The following IL1RAPL2 variants were observed in gnomAD, a reference collection of about 807,000 sequenced individuals.
IL1RAPL2 encodes the protein interleukin 1 receptor accessory protein like 2.
In IL1RAPL2, 3 loss-of-function variants were observed where a neutral mutation model predicts 44.1. The observed-to-expected ratio is 0.07, with a 90% CI of 0.03 to 0.18. IL1RAPL2 has a LOEUF of 0.18. IL1RAPL2 is among the 10% of genes least tolerant of loss of function. The pLI is 1.00. For missense variants in IL1RAPL2, 391 were observed against 496.4 expected, an observed-to-expected ratio of 0.79 and a Z score of 2.02; for synonymous variants, 181 against 178.8, an observed-to-expected ratio of 1.01 and a Z score of -0.10.
intron 5 of IL1RAPL2, among the ~76,000 whole-genome samples, chrX:105,484,105 T>G (rs1046271324): frequency 6.4e-4 from 71 of 111,799 alleles, no homozygotes; most frequent in African/African-American, 2.2e-3. Flanking sequence ...AATGGCCTAT[T>G]TACAGTGAAT....
At chrX:105,200,437 C>A (rs185203999) in intron 3 of IL1RAPL2, among the ~76,000 whole-genome samples, 1 of 111,512 alleles carries the variant, frequency 9.0e-6, no homozygotes, top group Admixed American at 9.5e-5. Context: ...CGGTGCCAAT[C>A]GAAGAATCAC....
chrX:105,269,140 G>A (rs2034428243), intron 5 of IL1RAPL2, among the ~76,000 whole-genome samples: 1 of 110,725 alleles, frequency 9.0e-6, no homozygotes, highest in African/African-American at 3.3e-5. Flanking sequence ...CAGCCAGTTG[G>A]TTAATTTATA....
chrX:105,678,642 A>AT (rs770493562), intron 6 of IL1RAPL2, among the ~76,000 whole-genome samples: 56 of 110,020 alleles, frequency 5.1e-4, no homozygotes, highest in East Asian at 2.3e-3. Context: ...ATTGCCACTG[A>AT]TTTTTTTTGT....
At position 105,467,597 on chromosome X, in the gene IL1RAPL2, A is replaced by G. The variant is rs2036139163; in HGVS notation, c.698-16716A>G. 3.5e-5 allele frequency among the ~76,000 whole-genome samples: 3 copies of G among 86,390 alleles called. 1 individual carries two copies. The highest frequency in any genetic ancestry group is 1.2e-4 in the African/African-American group (3 of 25,569). 75.0% of individuals were successfully genotyped at this position (86,390 alleles called of 115,157 possible). On this transcript the variant is annotated intron_variant, in intron 5 of 10. Coordinates refer to ENST00000372582, the MANE Select transcript of IL1RAPL2 (RefSeq NM_017416.2). Reference sequence around the variant, plus strand: ...AAATTAGGCAGTCCAGGGTTGGTATAGTGACTTCAAGAAGTCATCAGGGAT... The same window carrying G: ...AAATTAGGCAGTCCAGGGTTGGTATGGTGACTTCAAGAAGTCATCAGGGAT...
rs1365896538 is a variant in IL1RAPL2 at position 105,670,142 on chromosome X, T to TATATATATAA, written c.773-47219_773-47218insATAAATATAT. 1.0e-3 allele frequency among the ~76,000 whole-genome samples: 53 copies of TATATATATAA among 52,973 alleles called. 1 individual carries two copies. The highest frequency in any genetic ancestry group is 3.9e-3 in the African/African-American group (52 of 13,467). 46.0% of individuals were successfully genotyped at this position (52,973 alleles called of 115,157 possible). ...ATATATATATATATATATATATATA[T>TATATATATAA]ATATATCTCCACCAGACCACACAGT... On this transcript the variant is annotated intron_variant, in intron 6 of 10. Transcript: ENST00000372582.
chrX:105,666,327 G>A (rs867957789), intron 6 of IL1RAPL2, among the ~76,000 whole-genome samples: 4 of 110,675 alleles, frequency 3.6e-5, no homozygotes, highest in Non-Finnish European at 5.7e-5. Flanking sequence ...TTCTGGTCCC[G>A]TGGTGCCAAC....
intron 4 of IL1RAPL2, among the ~76,000 whole-genome samples, chrX:105,261,234 C>T (rs1298104326): frequency 8.9e-6 from 1 of 112,102 alleles, no homozygotes; most frequent in Non-Finnish European, 1.9e-5. Flanking sequence ...GGGAGGTTCT[C>T]CTGGCTCCAT....
At chrX:105,412,613 A>G (rs1294608568) in intron 5 of IL1RAPL2, among the ~76,000 whole-genome samples, 1 of 111,175 alleles carries the variant, frequency 9.0e-6, no homozygotes, top group Admixed American at 9.6e-5. Flanking sequence ...CTAAGATACA[A>G]TTAGAAGGAA....
In IL1RAPL2 at chrX:105,111,156, G is replaced by A. The variant is rs187926518; in HGVS notation, c.83-84319G>A. On this transcript the variant is annotated intron_variant, in intron 2 of 10. Transcript: ENST00000372582. ...ATGGTGGCTCCCGCCTGTAATACCA[G>A]CACTGTGGTTAGAATGTAACAAAAA... 1.9e-4 allele frequency among the ~76,000 whole-genome samples: 21 copies of A among 110,720 alleles called. No homozygotes were observed. The East Asian group carries it at 5.9e-3, about 31-fold the overall frequency.
At chrX:105,126,018 T>C (rs745681376) in intron 2 of IL1RAPL2, among the ~76,000 whole-genome samples, 7 of 111,413 alleles carry the variant, frequency 6.3e-5, no homozygotes, top group Non-Finnish European at 1.3e-4. Flanking sequence ...TTTTATCCAG[T>C]GTAAGAAATT....
At chrX:104,596,912 A>G (rs1928775240) in intron 1 of IL1RAPL2, among the ~76,000 whole-genome samples, 2 of 111,307 alleles carry the variant, frequency 1.8e-5, no homozygotes, top group Admixed American at 9.6e-5. Context: ...AGTGAGAGAG[A>G]GGCAGGAGAT....
chrX:105,557,183 T>G (rs1465487278), intron 6 of IL1RAPL2, among the ~76,000 whole-genome samples: 1 of 112,049 alleles, frequency 8.9e-6, no homozygotes, highest in African/African-American at 3.2e-5. Context: ...TGTTATAACT[T>G]TGGATCCCTC....
chrX:105,183,823 C>T (rs1450309743), intron 2 of IL1RAPL2, among the ~76,000 whole-genome samples: 2 of 111,247 alleles, frequency 1.8e-5, no homozygotes, highest in Non-Finnish European at 3.8e-5. Context: ...AACTGGGGCT[C>T]CAGGGGTTTG....
intron 6 of IL1RAPL2, among the ~76,000 whole-genome samples, chrX:105,494,346 G>GA (rs1435865796): frequency 9.0e-6 from 1 of 111,509 alleles, no homozygotes; most frequent in Non-Finnish European, 1.9e-5. Flanking sequence ...CATGAACTGG[G>GA]AAAAAATAGA....
chrX:105,376,305 G>T, intron 5 of IL1RAPL2, among the ~76,000 whole-genome samples: 2 of 112,176 alleles, frequency 1.8e-5, no homozygotes, highest in Middle Eastern at 9.3e-3. Flanking sequence ...CCCAAGTCAT[G>T]GTTTACATGT....
chrX:104,946,577 C>T (rs1481181288), intron 2 of IL1RAPL2, among the ~76,000 whole-genome samples: 6 of 67,218 alleles, frequency 8.9e-5, no homozygotes, highest in Non-Finnish European at 1.6e-4. Context: ...CCCCCCACCC[C>T]ACAACAGTCC....
chrX:104,942,242 C>T (rs1337714558), intron 2 of IL1RAPL2, among the ~76,000 whole-genome samples: 4 of 111,953 alleles, frequency 3.6e-5, no homozygotes. Context: ...TGAAGAAAGT[C>T]ATTGGTAGCT....
At chrX:104,609,702 G>T (rs1198693165) in intron 1 of IL1RAPL2, among the ~76,000 whole-genome samples, 3 of 111,685 alleles carry the variant, frequency 2.7e-5, no homozygotes, top group Non-Finnish European at 5.6e-5. Context: ...AGCCCCATCA[G>T]GTCATTTGTG....
chrX:104,979,333 A>G (rs1261552050), intron 2 of IL1RAPL2, among the ~76,000 whole-genome samples: 1 of 111,805 alleles, frequency 8.9e-6, no homozygotes, highest in Non-Finnish European at 1.9e-5. Context: ...TGAAACTCTA[A>G]AAGTATTAGA....
Sources: gnomAD v4.1 joint callset for allele counts (sites outside exome capture counted in the v4.1 genomes callset) on GRCh38, gnomAD v4.1.1 for gene constraint, MANE v1.5 for transcripts, NCBI Gene and HGNC (gene_info 2026-07-23, HGNC 2026-07-21) for gene names.